The following BCL6 variants were observed in gnomAD, a reference collection of about 807,000 sequenced individuals.
The protein encoded by BCL6 is B-cell lymphoma 6 protein.
BCL6 carries 7 observed loss-of-function variants against 59.5 expected under a neutral mutation model. That is an observed-to-expected ratio of 0.12 (90% confidence interval 0.07 to 0.22). The LOEUF (loss-of-function observed/expected upper bound fraction) is 0.22, where lower values mean the gene tolerates loss of function less well. BCL6 is among the 10% of genes least tolerant of loss of function. The probability of loss-of-function intolerance (pLI) is 1.00; values close to 1 mark genes in which losing one functional copy is unlikely to be tolerated. For missense variants in BCL6, 685 were observed against 939.4 expected, an observed-to-expected ratio of 0.73 and a Z score of 3.54; for synonymous variants, 339 against 349.7, an observed-to-expected ratio of 0.97 and a Z score of 0.34.
chr3:187,745,253 G>C (rs1711891585), intron 1 of BCL6, among the ~76,000 whole-genome samples, 157 bp downstream of exon 1: 1 of 151,790 alleles, frequency 6.6e-6, no homozygotes, highest in Admixed American at 6.6e-5. Context: ...GATACACATA[G>C]AAAACTTGGA....
intron 1 of BCL6, among the ~76,000 whole-genome samples, chr3:187,744,661 A>T: frequency 6.6e-6 from 1 of 152,298 alleles, no homozygotes; most frequent in Middle Eastern, 3.4e-3. Flanking sequence ...GGAATCTAAA[A>T]GACCGAGGCC....
At chr3:187,742,596 T>G (rs908090284) in intron 1 of BCL6, among the ~76,000 whole-genome samples, 1 of 152,024 alleles carries the variant, frequency 6.6e-6, no homozygotes. Flanking sequence ...CGGCCTCTAG[T>G]ATTGGAAAGT....
chr3:187,744,826 T>A (rs575660897), intron 1 of BCL6, among the ~76,000 whole-genome samples: 1 of 152,012 alleles, frequency 6.6e-6, no homozygotes, highest in African/African-American at 2.4e-5. Flanking sequence ...GGAAAGCAGT[T>A]TGCAAGCGAG....
intron 3 of BCL6, among the ~76,000 whole-genome samples, chr3:187,732,592 G>C (rs1264828393): frequency 2.6e-5 from 4 of 152,136 alleles, no homozygotes; most frequent in African/African-American, 9.7e-5. Flanking sequence ...TACTTTTTCT[G>C]AGTGGGTTGC....
rs888661164 is a variant in BCL6 at position 187,725,772 on chromosome 3, A to T, written c.1709-143T>A. The T allele has an allele frequency of 1.2e-5, 13 of 1,065,842 alleles. No homozygotes were observed. Among genetic ancestry groups the T allele is most frequent in the Non-Finnish European group, 1.7e-5 (13 of 755,084 alleles). 66.0% of individuals were successfully genotyped at this position (1,065,842 alleles called of 1,614,324 possible). A position where few individuals can be genotyped will look rare whatever the true frequency, so the allele number is the denominator to read the frequency against. ...TTCCCTTAGGGAATGTGAGAGAGAG[A>T]ATCCAGGGGCCTGCCCCCACATCTG... On this transcript the variant is annotated intron_variant, in intron 7 of 9. Transcript: ENST00000406870. This position sits in a 1 kb window ranked among gnomAD's most constrained non-coding sequence, Gnocchi z 4.7.
chr3:187,744,304 T>C (rs2108483243), intron 1 of BCL6, among the ~76,000 whole-genome samples: 1 of 152,100 alleles, frequency 6.6e-6, no homozygotes, highest in South Asian at 2.1e-4. Flanking sequence ...GCATCGCAGG[T>C]GCAGTGCGCA....
chr3:187,736,701 C>T (rs1719297486), intron 1 of BCL6: 1 of 152,192 alleles, frequency 6.6e-6, no homozygotes, highest in African/African-American at 2.4e-5. Flanking sequence ...AGGCGCAGGT[C>T]CTTCTCAAGT....
Position 187,722,311 on chromosome 3 carries a change from C to A in BCL6, c.*147G>T. ...CGGCTCCCAGTCCCCCAGGCCCCGACCCCCACCACCCCCAACCCCCAGCTA... is the reference window on the plus strand; with the variant it reads ...CGGCTCCCAGTCCCCCAGGCCCCGAACCCCACCACCCCCAACCCCCAGCTA... On this transcript the variant is annotated 3_prime_UTR_variant, in exon 10 of 10. Transcript: ENST00000406870. 3.3e-6 allele frequency: 1 copy of A among 299,856 alleles called. No individual in the cohort carries two copies. The allele number at this position is 299,856 out of a possible 1,614,324, so 18.6% of individuals were successfully genotyped here.
chr3:187,721,545 C>T lies in BCL6; in HGVS notation c.*913G>A. On this transcript the variant is annotated 3_prime_UTR_variant, in exon 10 of 10. Transcript: ENST00000406870. The surrounding 1 kb of genome is among the most constrained non-coding windows in gnomAD (Gnocchi z 4.2). ...CCAAAGAGAGTTTAGTTAGTAACAA[C>T]TTCAAGTCCCTGTGTCTGCCTACAC... 4.3e-6 allele frequency: 1 copy of T among 233,382 alleles called. No individual in the cohort carries two copies. The highest frequency in any genetic ancestry group is 1.8e-4 in the South Asian group (1 of 5,526). 14.5% of individuals were successfully genotyped at this position (233,382 alleles called of 1,614,324 possible).
Position 187,722,332 on chromosome 3 carries a change from A to G in BCL6, c.*126T>C. On this transcript the variant is annotated 3_prime_UTR_variant, in exon 10 of 10. Coordinates refer to ENST00000406870, the MANE Select transcript of BCL6 (RefSeq NM_001706.5). ...CCGACCCCCACCACCCCCAACCCCC[A>G]GCTATGATTTGCACTAGTGGATGAA... is the stretch of plus-strand genomic sequence containing the variant. 4 of 52,784 alleles carry G rather than the reference A, an allele frequency of 7.6e-5. No individual in the cohort carries two copies. Among genetic ancestry groups the G allele is most frequent in the Non-Finnish European group, 8.8e-5 (3 of 34,042 alleles). 3.3% of individuals were successfully genotyped at this position (52,784 alleles called of 1,614,324 possible).
At chr3:187,733,325 G>A (rs1880102) in intron 3 of BCL6, among the ~76,000 whole-genome samples, 148,838 of 152,002 alleles carry the variant, frequency 0.98, 72,945 homozygotes, top group Middle Eastern at 1. Context: ...CCCACAGAAC[G>A]TGGCTCTTTC....
chr3:187,733,451 G>T, intron 3 of BCL6, 82 bp downstream of exon 3: 1 of 1,502,356 alleles, frequency 6.7e-7, no homozygotes, highest in East Asian at 2.3e-5. Context: ...TGCAGTAAAA[G>T]GCCCACATGT....
intron 2 of BCL6, among the ~76,000 whole-genome samples, chr3:187,734,151 C>T (rs1719179178): frequency 2.0e-5 from 3 of 152,212 alleles, no homozygotes; most frequent in Admixed American, 1.3e-4. Flanking sequence ...AGTGATTCTC[C>T]TGCCTCGGTC....
At chr3:187,742,753 C>A (rs1711654362) in intron 1 of BCL6, among the ~76,000 whole-genome samples, 2 of 152,174 alleles carry the variant, frequency 1.3e-5, no homozygotes, top group Non-Finnish European at 2.9e-5. Flanking sequence ...TGCCCATCTC[C>A]TGGTACTTGT....
Position 187,725,621 on chromosome 3 carries a change from G to C in BCL6, c.1717C>G (p.Pro573Ala), listed in dbSNP as rs777469418. ...SHKTVHTGEK[P>A]YRCNICGAQF... ...GCCCCACAGATGTTGCAACGATAGG[G>C]TTTCTCACCTATTACCAAGAAAAAG... Residue 573 changes from proline (P) to alanine (A), a missense_variant, in exon 8 of 10, where the codon CCC becomes GCC. Pro to Ala is a conservative substitution (Grantham distance 27). Transcript: ENST00000406870. The surrounding 1 kb of genome is among the most constrained non-coding windows in gnomAD (Gnocchi z 4.7). 6.2e-7 allele frequency: 1 copy of C among 1,614,176 alleles called. No homozygotes were observed. The highest frequency in any genetic ancestry group is 8.5e-7 in the Non-Finnish European group (1 of 1,180,038).
At chr3:187,727,527 T>C (rs1457983207) in intron 6 of BCL6, among the ~76,000 whole-genome samples, 2 of 152,206 alleles carry the variant, frequency 1.3e-5, no homozygotes, top group Non-Finnish European at 2.9e-5. Flanking sequence ...AATCCTCCTG[T>C]GAGACTGGGA....
chr3:187,745,459 C>T lies in BCL6; in HGVS notation c.-99G>A, dbSNP rs1252627564. On this transcript the variant is annotated 5_prime_UTR_variant, in exon 1 of 10. Transcript: ENST00000406870. ...CTTCTTGCATCACCACTTCTAAGAA[C>T]CCCAGTTCTAAGAATCAACAGAGCT... 3 of 399,274 alleles carry T rather than the reference C, an allele frequency of 7.5e-6. No individual in the cohort carries two copies. Among genetic ancestry groups the T allele is most frequent in the African/African-American group, 4.1e-5 (2 of 48,606 alleles). The allele number at this position is 399,274 out of a possible 1,614,324, so 24.7% of individuals were successfully genotyped here.
rs576046582 is a variant in BCL6 at position 187,733,722 on chromosome 3, A to C, written c.-10-19T>G. ...GTCTTCACTTGAAAAAAGAGGCCAA[A>C]ATCCTGTTAGTCCTCCAGAACCTGT... is the stretch of plus-strand genomic sequence containing the variant. On this transcript the variant is annotated intron_variant, in intron 2 of 9. Transcript: ENST00000406870. The C allele has an allele frequency of 3.0e-5, 49 of 1,613,430 alleles. 1 individual carries two copies. In the South Asian group the frequency reaches 4.6e-4, roughly 15 times the overall value.
At position 187,728,553 on chromosome 3, in the gene BCL6, A is replaced by G. The variant is rs373830529; in HGVS notation, c.1356-9T>C. The G allele has an allele frequency of 6.9e-6, 11 of 1,594,210 alleles. No individual in the cohort carries two copies. Among genetic ancestry groups the G allele is most frequent in the Non-Finnish European group, 9.4e-6 (11 of 1,174,422 alleles). Reference sequence around the variant, plus strand: ...GAGAGCCCGTCATGGACCTATGGACAGGAGTAAAAACAGCCTCAGCACCTG... The same window carrying G: ...GAGAGCCCGTCATGGACCTATGGACGGGAGTAAAAACAGCCTCAGCACCTG... On this transcript the variant is annotated splice_polypyrimidine_tract_variant and intron_variant, in intron 5 of 9. Transcript: ENST00000406870.
Sources: gnomAD v4.1 joint callset for allele counts (sites outside exome capture counted in the v4.1 genomes callset) on GRCh38, gnomAD v4.1.1 for gene constraint, Gnocchi (gnomAD v3.1) non-coding constraint, MANE v1.5 for transcripts, NCBI Gene and HGNC (gene_info 2026-07-23, HGNC 2026-07-21) for gene names.